Variants in KDM5B observed in about 807,000 individuals in gnomAD.
KDM5B encodes lysine demethylase 5B.
Under a neutral mutation model 193.4 loss-of-function variants are expected in KDM5B, and 144 were observed. That is an observed-to-expected ratio of 0.74 (90% CI 0.65 to 0.86). KDM5B has a LOEUF of 0.86. Ranked by LOEUF, KDM5B falls within the 40% of genes least tolerant of loss-of-function variation. KDM5B has a pLI of 0.00. For missense variants in KDM5B, 1,833 were observed against 1,886.9 expected, an observed-to-expected ratio of 0.97 and a Z score of 0.53; for synonymous variants, 668 against 682.6, an observed-to-expected ratio of 0.98 and a Z score of 0.33.
intron 14 of KDM5B, among the ~76,000 whole-genome samples, chr1:202,746,887 C>CTA (rs1367581748): frequency 6.6e-6 from 1 of 152,090 alleles, no homozygotes; most frequent in Non-Finnish European, 1.5e-5. Context: ...ATAGCAAAGA[C>CTA]TAAAGTCATA....
At chr1:202,772,219 GATA>G (rs1208386904) in intron 4 of KDM5B, among the ~76,000 whole-genome samples, 5 of 152,162 alleles carry the variant, frequency 3.3e-5, no homozygotes, top group Admixed American at 1.3e-4. Flanking sequence ...GGTGTGAATG[GATA>G]ATGACACCCC....
chr1:202,790,036 G>A (rs1572772172), intron 1 of KDM5B, among the ~76,000 whole-genome samples: 1 of 149,688 alleles, frequency 6.7e-6, no homozygotes, highest in South Asian at 2.1e-4. Flanking sequence ...CAGCGAGGCG[G>A]GCGGATCACC....
At chr1:202,779,180 A>G (rs547762492) in intron 1 of KDM5B, among the ~76,000 whole-genome samples, 2 of 152,166 alleles carry the variant, frequency 1.3e-5, no homozygotes, top group Non-Finnish European at 2.9e-5. Flanking sequence ...TTAATGAGGA[A>G]ATTCACAGCC....
intron 1 of KDM5B, among the ~76,000 whole-genome samples, chr1:202,780,470 G>A (rs1445966035): frequency 1.3e-5 from 2 of 151,990 alleles, no homozygotes; most frequent in South Asian, 2.1e-4. Flanking sequence ...GATTACAGGC[G>A]TGAGCCACTG....
chr1:202,740,587 A>ACC (rs554185651), intron 20 of KDM5B, 87 bp downstream of exon 20: 2 of 1,187,508 alleles, frequency 1.7e-6, no homozygotes, highest in Admixed American at 4.4e-5. Flanking sequence ...TCGGGGGCTG[A>ACC]CCCCCCCACC....
chr1:202,768,284 G>C (rs2102286328), intron 4 of KDM5B, among the ~76,000 whole-genome samples: 1 of 152,260 alleles, frequency 6.6e-6, no homozygotes, highest in Middle Eastern at 3.4e-3. Flanking sequence ...TTTCAGGTAA[G>C]CACTACTTTT....
chr1:202,732,195 GGAA>G (rs1258628144), intron 23 of KDM5B: 3 of 422,564 alleles, frequency 7.1e-6, no homozygotes, highest in Non-Finnish European at 1.3e-5. Context: ...AAGGCCACTG[GGAA>G]ATAAGCCACT....
In KDM5B at chr1:202,777,061, T is replaced by C; in HGVS notation, c.238A>G (p.Lys80Glu). The C allele has an allele frequency of 6.2e-7, 1 of 1,613,702 alleles. No homozygotes were observed. Among genetic ancestry groups the C allele is most frequent in the Non-Finnish European group, 8.5e-7 (1 of 1,179,618 alleles). The change falls in exon 2 of 27, where the codon AAA (lysine) becomes GAA (glutamate). Residue 80 changes from lysine to glutamate, a missense_variant. By Grantham distance (56) the Lys-to-Glu change is moderately conservative. Transcript: ENST00000367265. ...WQPPFACDVD[K>E]LHFTPRIQRL... ...TGGATACGTGGCGTAAAATGAAGTT[T>C]ATCAACATCACATGCAAATGGTGGC... is the stretch of plus-strand genomic sequence containing the variant.
Position 202,745,972 on chromosome 1 carries a change from T to G in KDM5B, c.2209A>C (p.Thr737Pro). 6.2e-7 allele frequency: 1 copy of G among 1,613,924 alleles called. No homozygotes were observed. The highest frequency in any genetic ancestry group is 8.5e-7 in the Non-Finnish European group (1 of 1,179,802). Reference sequence around the variant, plus strand: ...ATCATAGGGTAGAGATCATCCAGCGTGTACCTATACCTGGAAATAATACCA... The same window carrying G: ...ATCATAGGGTAGAGATCATCCAGCGGGTACCTATACCTGGAAATAATACCA... ...PYKYKLRYRY[T>P]LDDLYPMMNA... The change falls in exon 16 of 27, where the codon ACG (threonine) becomes CCG (proline). Residue 737 changes from threonine to proline, a missense_variant. By Grantham distance (38) the Thr-to-Pro change is conservative. Around this residue, in one of 3 missense-constraint regions of KDM5B, gnomAD observed 1,379 missense variants for 1,349.6 expected, o/e 1.02. Transcript: ENST00000367265.
At position 202,767,001 on chromosome 1, in the gene KDM5B, A is replaced by G. The variant is rs751857613; in HGVS notation, c.636T>C (p.Asp212=). 9.4e-6 allele frequency: 15 copies of G among 1,597,606 alleles called. No individual in the cohort carries two copies. The highest frequency in any genetic ancestry group is 5.7e-5 in the South Asian group (5 of 87,558). Residue 212 remains aspartate, a synonymous_variant, in exon 5 of 27, where the codon GAT becomes GAC. Coordinates refer to ENST00000367265, the MANE Select transcript of KDM5B (RefSeq NM_006618.5). ...DTKDKEYKPH[D]IPQRQSVQPS... is the part of the protein sequence containing the mutation. The stretch of plus-strand genomic sequence containing the variant: ...GCTGCACAGACTGCCTCTGGGGAAT[A>G]TCATGGGGTTTGTACTCCTTGTCCT...
chr1:202,778,340 G>A (rs907982818), intron 1 of KDM5B, among the ~76,000 whole-genome samples: 13 of 151,956 alleles, frequency 8.6e-5, no homozygotes, highest in Non-Finnish European at 1.3e-4. Flanking sequence ...TACCTACGAA[G>A]GGAGAAAACT....
chr1:202,735,423 A>G lies in KDM5B; in HGVS notation c.3423+6T>C. The G allele has an allele frequency of 1.2e-6, 2 of 1,611,046 alleles. No individual in the cohort carries two copies. The highest frequency in any genetic ancestry group is 8.5e-7 in the Non-Finnish European group (1 of 1,178,916). On this transcript the variant is annotated splice_donor_region_variant and intron_variant, in intron 22 of 26. Coordinates refer to ENST00000367265, the MANE Select transcript of KDM5B (RefSeq NM_006618.5). ...ATAGAAAGGAGAAGAAAAAAACCCT[A>G]CATACAGCTGAAGCAGTCTCCTTGC...
intron 20 of KDM5B, among the ~76,000 whole-genome samples, chr1:202,737,952 A>G (rs1355733131): frequency 6.6e-6 from 1 of 152,222 alleles, no homozygotes; most frequent in Non-Finnish European, 1.5e-5. Context: ...TTAGGGCATA[A>G]ATGTTCTGAT....
Position 202,806,023 on chromosome 1 carries a change from C to T in KDM5B, c.204+2079G>A, listed in dbSNP as rs530861525. Reference sequence around the variant, plus strand: ...TAGCACTCTCAATACAAAATGGTGGCCATCATGTCTGTCTGACATTCAGAG... The same window carrying T: ...TAGCACTCTCAATACAAAATGGTGGTCATCATGTCTGTCTGACATTCAGAG... On this transcript the variant is annotated intron_variant, in intron 1 of 26. Transcript: ENST00000367265. Among the ~76,000 whole-genome samples the T allele has an allele frequency of 1.5e-4, 23 of 152,276 alleles. 1 individual carries two copies. In the South Asian group the frequency reaches 2.9e-3, roughly 19 times the overall value.
At chr1:202,767,218 C>T (rs1296249507) in intron 4 of KDM5B, 158 bp from the exon 5 acceptor site, 8 of 1,571,886 alleles carry the variant, frequency 5.1e-6, no homozygotes, top group Admixed American at 1.7e-5. Flanking sequence ...AATGGAGGAA[C>T]TGAAACACCC....
At chr1:202,760,231 G>C (rs549218191) in intron 8 of KDM5B, among the ~76,000 whole-genome samples, 184 bp downstream of exon 8, 2 of 152,130 alleles carry the variant, frequency 1.3e-5, no homozygotes, top group East Asian at 3.9e-4. Flanking sequence ...TGGGAGAACT[G>C]CTTGAGCCAG....
intron 20 of KDM5B, among the ~76,000 whole-genome samples, chr1:202,739,900 C>T (rs1456083607): frequency 1.2e-4 from 18 of 152,328 alleles, no homozygotes; most frequent in Admixed American, 3.9e-4. Context: ...GGCAACCATC[C>T]GATTTCTCAA....
At chr1:202,771,398 A>ATTTTT (rs35164548) in intron 4 of KDM5B, among the ~76,000 whole-genome samples, 13 of 139,762 alleles carry the variant, frequency 9.3e-5, no homozygotes, top group Non-Finnish European at 1.2e-4. Context: ...CATCCAGCTA[A>ATTTTT]TTTTTTTTTT....
intron 21 of KDM5B, among the ~76,000 whole-genome samples, 179 bp downstream of exon 21, chr1:202,736,034 C>T (rs1655080317): frequency 6.6e-6 from 1 of 152,140 alleles, no homozygotes; most frequent in Non-Finnish European, 1.5e-5. Context: ...GCTAAATCAA[C>T]CAAGAAAACA....
Sources: gnomAD v4.1 joint callset for allele counts (sites outside exome capture counted in the v4.1 genomes callset) on GRCh38, gnomAD v4.1.1 for gene constraint, gnomAD v4.1.1 regional missense constraint, MANE v1.5 for transcripts, NCBI Gene and HGNC (gene_info 2026-07-23, HGNC 2026-07-21) for gene names.